Variants in KSR2 observed in about 807,000 individuals in gnomAD.
KSR2 encodes kinase suppressor of ras 2.
KSR2 carries 25 observed loss-of-function variants against 107.8 expected under a neutral mutation model. The ratio of observed to expected loss-of-function variants is 0.23; its 90% confidence interval spans 0.17 to 0.32. KSR2 has a LOEUF of 0.32. Among genes scored for constraint, KSR2 ranks in the 10% least tolerant of loss-of-function variants. KSR2 has a pLI of 1.00. For synonymous variants in KSR2, 480 were observed against 507.0 expected (o/e 0.95, Z 0.71); for missense variants, 887 against 1,268.9 (o/e 0.70, Z 4.57).
intron 5 of KSR2, among the ~76,000 whole-genome samples, chr12:117,615,728 C>T (rs193093771): frequency 6.6e-5 from 10 of 152,108 alleles, no homozygotes; most frequent in East Asian, 1.9e-4. Context: ...TAGCCCCAAG[C>T]GACATACTGA....
chr12:117,698,704 C>T (rs1298237715), intron 4 of KSR2, among the ~76,000 whole-genome samples: 2 of 152,186 alleles, frequency 1.3e-5, no homozygotes, highest in Non-Finnish European at 2.9e-5. Context: ...TCCAGAGCTC[C>T]AAACCCACTT....
At chr12:117,922,362 C>A (rs533038441) in intron 1 of KSR2, among the ~76,000 whole-genome samples, 32 of 152,166 alleles carry the variant, frequency 2.1e-4, no homozygotes, top group Non-Finnish European at 3.4e-4. Context: ...TCAAAGCCTG[C>A]ATGGCTGGAA....
intron 4 of KSR2, among the ~76,000 whole-genome samples, chr12:117,721,915 T>G (rs1374957662): frequency 6.6e-6 from 1 of 152,200 alleles, no homozygotes; most frequent in Non-Finnish European, 1.5e-5. Flanking sequence ...AAAAGAACTC[T>G]TTATGATAAT....
chr12:117,502,536 GA>G (rs1873445212), intron 14 of KSR2, among the ~76,000 whole-genome samples: 1 of 152,104 alleles, frequency 6.6e-6, no homozygotes, highest in Non-Finnish European at 1.5e-5. Flanking sequence ...AATGGGTATC[GA>G]ATCGATTCCG....
At chr12:117,717,599 A>T (rs1313149093) in intron 4 of KSR2, among the ~76,000 whole-genome samples, 2 of 152,020 alleles carry the variant, frequency 1.3e-5, no homozygotes, top group Non-Finnish European at 2.9e-5. Flanking sequence ...ATTATTTTAA[A>T]ATGTAGATGA....
chr12:117,647,745 CAG>C (rs1491021012), intron 5 of KSR2, among the ~76,000 whole-genome samples: 1 of 152,084 alleles, frequency 6.6e-6, no homozygotes. Flanking sequence ...TTTTTAGTGA[CAG>C]AGTCTCACTC....
intron 3 of KSR2, among the ~76,000 whole-genome samples, chr12:117,791,665 G>A (rs557231230): frequency 7.2e-5 from 11 of 152,282 alleles, no homozygotes; most frequent in Admixed American, 3.9e-4. Context: ...GCTGGAGGAG[G>A]TGGGAGGGGA....
chr12:117,948,690 T>C (rs1481226159), intron 1 of KSR2, among the ~76,000 whole-genome samples: 5 of 152,102 alleles, frequency 3.3e-5, no homozygotes, highest in Non-Finnish European at 5.9e-5. Context: ...AGAAAAAAAT[T>C]GTACATTTAA....
chr12:117,921,402 T>G (rs1008735441), intron 1 of KSR2, among the ~76,000 whole-genome samples: 10 of 151,808 alleles, frequency 6.6e-5, no homozygotes, highest in Admixed American at 2.0e-4. Context: ...GAGATCTTAT[T>G]ATAGAGAGCC....
chr12:117,755,259 A>G (rs1394138717), intron 4 of KSR2, among the ~76,000 whole-genome samples: 1 of 152,108 alleles, frequency 6.6e-6, no homozygotes, highest in Admixed American at 6.5e-5. Context: ...ATTGCACTTC[A>G]CTCCACTGCA....
chr12:117,701,259 A>G (rs1375832734), intron 4 of KSR2, among the ~76,000 whole-genome samples: 2 of 152,018 alleles, frequency 1.3e-5, no homozygotes, highest in Non-Finnish European at 2.9e-5. Context: ...CACCCAGCTA[A>G]TTTTTGTATT....
chr12:117,539,695 A>C, intron 10 of KSR2, 24 bp downstream of exon 10: 2 of 1,586,014 alleles, frequency 1.3e-6, no homozygotes, highest in Non-Finnish European at 1.7e-6. Flanking sequence ...TGCACCCCTC[A>C]TGTCTCCCCA....
At chr12:117,791,053 G>A (rs1278070267) in intron 3 of KSR2, among the ~76,000 whole-genome samples, 2 of 151,930 alleles carry the variant, frequency 1.3e-5, no homozygotes, top group Admixed American at 6.6e-5. Flanking sequence ...CCAAATTCTT[G>A]CTAATTGCCT....
At chr12:117,827,962 T>C (rs2592285) in intron 3 of KSR2, among the ~76,000 whole-genome samples, 91,765 of 151,970 alleles carry the variant, frequency 0.6, 27,955 homozygotes, top group Admixed American at 0.71. Context: ...TTCAGCTTTT[T>C]AAATCCCCAC....
intron 4 of KSR2, among the ~76,000 whole-genome samples, chr12:117,682,275 G>A (rs566110819): frequency 1.3e-5 from 2 of 152,014 alleles, no homozygotes; most frequent in Non-Finnish European, 2.9e-5. Flanking sequence ...TTGCGGGGGC[G>A]GGGGGAGAGA....
intron 1 of KSR2, among the ~76,000 whole-genome samples, chr12:117,937,727 G>A (rs1376211830): frequency 6.6e-6 from 1 of 151,636 alleles, no homozygotes; most frequent in African/African-American, 2.4e-5. Flanking sequence ...GGGAGGCTGA[G>A]GCGGGTGGAT....
Position 117,499,535 on chromosome 12 carries a change from C to T in KSR2, c.2220-13844G>A, listed in dbSNP as rs73210113. Among the ~76,000 whole-genome samples the T allele has an allele frequency of 8.5e-3, 1,291 of 152,266 alleles. 10 individuals are homozygous for T. The highest frequency in any genetic ancestry group is 0.024 in the Middle Eastern group (7 of 294). On this transcript the variant is annotated intron_variant, in intron 14 of 19. Transcript: ENST00000339824. Reference sequence around the variant, plus strand: ...TGAAATGAGAAAGTGGAGTCTGAACCAAATTCATACTCCAAGTAGCTCAGC... The same window carrying T: ...TGAAATGAGAAAGTGGAGTCTGAACTAAATTCATACTCCAAGTAGCTCAGC...
chr12:117,556,739 CA>C (rs1303344596), intron 8 of KSR2, among the ~76,000 whole-genome samples: 1 of 152,134 alleles, frequency 6.6e-6, no homozygotes, highest in Non-Finnish European at 1.5e-5. Flanking sequence ...GACTCAGTGT[CA>C]GATGAGCAAG....
In KSR2 at chr12:117,860,414, G is replaced by A. The variant is rs751467323; in HGVS notation, c.198C>T (p.Tyr66=). ...IRTLESKLVK[Y]FSRQLSCKKK... ...TTTTGCAGGACAGCTGCCGGCTGAAGTACTTCACCAGCTTGCTCTGTGGAG... is the reference window on the plus strand; with the variant it reads ...TTTTGCAGGACAGCTGCCGGCTGAAATACTTCACCAGCTTGCTCTGTGGAG... The change falls in exon 2 of 20, where the codon TAC becomes TAT. Residue 66 remains tyrosine (Y), a synonymous_variant. Coordinates refer to ENST00000339824, the MANE Select transcript of KSR2 (RefSeq NM_173598.6). 1.2e-5 allele frequency: 19 copies of A among 1,610,232 alleles called. No homozygotes were observed. In the South Asian group the frequency reaches 1.4e-4, roughly 12 times the overall value.
Sources: allele counts gnomAD v4.1 joint callset (sites outside exome capture counted in the v4.1 genomes callset), GRCh38; gene constraint gnomAD v4.1.1; transcripts MANE v1.5; gene names NCBI Gene and HGNC (gene_info 2026-07-23, HGNC 2026-07-21).